The following DNAAF11 variants were observed in gnomAD, a reference collection of about 807,000 sequenced individuals.
The protein encoded by DNAAF11 is dynein axonemal assembly factor 11.
Under a neutral mutation model 60.8 loss-of-function variants are expected in DNAAF11, and 45 were observed. The observed-to-expected ratio is 0.74, with a 90% CI of 0.58 to 0.95. DNAAF11 has a LOEUF of 0.95. Ranked by LOEUF, DNAAF11 falls within the 40% of genes least tolerant of loss-of-function variation. DNAAF11 has a pLI of 0.00. For missense variants in DNAAF11, 546 were observed against 546.2 expected (o/e 1.00, Z 0.00); for synonymous variants, 191 against 183.5 (o/e 1.04, Z -0.33).
upstream of DNAAF11, among the ~76,000 whole-genome samples, chr8:132,679,722 A>G (rs751643944): frequency 6.6e-6 from 1 of 152,142 alleles, no homozygotes; most frequent in African/African-American, 2.4e-5. Context: ...AATGGATCTC[A>G]CAAGACCAGA....
intron 4 of DNAAF11, among the ~76,000 whole-genome samples, chr8:132,633,666 T>C (rs951432879): frequency 6.6e-6 from 1 of 152,156 alleles, no homozygotes; most frequent in Non-Finnish European, 1.5e-5. Flanking sequence ...AAAGGGGCTT[T>C]ACAGGTGTGA....
chr8:132,601,435 A>G (rs1359882642), intron 10 of DNAAF11, among the ~76,000 whole-genome samples: 1 of 152,212 alleles, frequency 6.6e-6, no homozygotes, highest in Non-Finnish European at 1.5e-5. Flanking sequence ...ATATACCCAA[A>G]GGATTATAAA....
At chr8:132,615,181 T>C in intron 7 of DNAAF11, 84 bp from the exon 8 acceptor site, 2 of 739,374 alleles carry the variant, frequency 2.7e-6, no homozygotes, top group Admixed American at 2.3e-5. Context: ...ATAAGCAGAT[T>C]AGATAATAAT....
chr8:132,577,695 G>A (rs1323949558), intron 11 of DNAAF11, among the ~76,000 whole-genome samples: 2 of 152,168 alleles, frequency 1.3e-5, no homozygotes, highest in Admixed American at 6.5e-5. Context: ...GCCTTGCTCC[G>A]TTGCCCAGGC....
rs147715811 is a variant in DNAAF11 at position 132,665,168 on chromosome 8, T to C, written c.11-3541A>G. On this transcript the variant is annotated intron_variant, in intron 1 of 11. Transcript: ENST00000620350. ...AACTGCCGTGTGGCTTACCATTTTA[T>C]AGCGCTGAGGAAATTGTTGTTACAC... Among the ~76,000 whole-genome samples, 286 of 152,320 alleles carry C rather than the reference T, an allele frequency of 1.9e-3. 2 individuals are homozygous for C. Among genetic ancestry groups the C allele is most frequent in the African/African-American group, 6.5e-3 (271 of 41,570 alleles).
chr8:132,640,891 G>A (rs578167362), intron 3 of DNAAF11, among the ~76,000 whole-genome samples: 1 of 152,230 alleles, frequency 6.6e-6, no homozygotes, highest in Admixed American at 6.5e-5. Context: ...CTCAAAGAAA[G>A]ATAAGAACAT....
chr8:132,596,538 C>G (rs897185724), intron 10 of DNAAF11, among the ~76,000 whole-genome samples: 4 of 152,158 alleles, frequency 2.6e-5, no homozygotes, highest in African/African-American at 9.7e-5. Flanking sequence ...TTGCTAGAGA[C>G]AGTCTCTAAA....
intron 5 of DNAAF11, among the ~76,000 whole-genome samples, chr8:132,627,220 T>A (rs1820365436): frequency 6.6e-6 from 1 of 152,218 alleles, no homozygotes; most frequent in Non-Finnish European, 1.5e-5. Flanking sequence ...ACCATTTAAA[T>A]TATATTTTTC....
At chr8:132,595,120 G>C (rs1554674300) in intron 10 of DNAAF11, among the ~76,000 whole-genome samples, 1 of 151,976 alleles carries the variant, frequency 6.6e-6, no homozygotes, top group Non-Finnish European at 1.5e-5. Flanking sequence ...CCAGTCTTGG[G>C]TATTTATTTA....
chr8:132,590,311 T>C (rs551218247), intron 10 of DNAAF11, among the ~76,000 whole-genome samples: 4 of 152,340 alleles, frequency 2.6e-5, no homozygotes, highest in African/African-American at 7.2e-5. Context: ...CTCCAGGCCC[T>C]GCCCAAGAGG....
rs770474436 is a variant in DNAAF11, at chr8:132,577,216, C to T, written c.1227-4736G>A. On this transcript the variant is annotated intron_variant, in intron 11 of 11. Transcript: ENST00000620350. ...TGGGGGGTGCCAGTATAAGGATTTG[C>T]TATTTGAAACTCTAGAGTTCATCTG... Among the ~76,000 whole-genome samples, 43 of 152,080 alleles carry T rather than the reference C, an allele frequency of 2.8e-4. 1 individual carries two copies. The highest frequency in any genetic ancestry group is 1.5e-4 in the Non-Finnish European group (10 of 68,010).
chr8:132,697,964 G>T, the DNAAF11 span, among the ~76,000 whole-genome samples: 1 of 152,158 alleles, frequency 6.6e-6, no homozygotes. Context: ...TTAATAAAAT[G>T]TATGTATTTA....
chr8:132,622,554 AC>A, intron 7 of DNAAF11, 56 bp downstream of exon 7: 1 of 1,274,156 alleles, frequency 7.8e-7, no homozygotes, highest in Non-Finnish European at 1.1e-6. Context: ...ACAATGATTG[AC>A]CAACACCATT....
At chr8:132,660,932 GA>G (rs1471049505) in intron 2 of DNAAF11, among the ~76,000 whole-genome samples, 1 of 152,110 alleles carries the variant, frequency 6.6e-6, no homozygotes, top group Non-Finnish European at 1.5e-5. Flanking sequence ...TTATAATACT[GA>G]TATTTTTATC....
intron 3 of DNAAF11, among the ~76,000 whole-genome samples, chr8:132,647,624 A>G (rs1252744131): frequency 6.6e-6 from 1 of 152,218 alleles, no homozygotes; most frequent in Admixed American, 6.5e-5. Flanking sequence ...AGCAACACTA[A>G]TACAGAAGAA....
upstream of DNAAF11, chr8:132,675,659 C>T: frequency 3.3e-6 from 2 of 606,904 alleles, no homozygotes; most frequent in Non-Finnish European, 5.5e-6. Flanking sequence ...GTTTCCTGAG[C>T]TCCGCGGAGC....
intron 3 of DNAAF11, chr8:132,643,254 T>C (rs2130619333): frequency 5.7e-6 from 1 of 174,204 alleles, no homozygotes. Flanking sequence ...CATTTATTAT[T>C]AAAATATCAT....
At chr8:132,657,114 C>G (rs1823656264) in intron 2 of DNAAF11, among the ~76,000 whole-genome samples, 1 of 152,176 alleles carries the variant, frequency 6.6e-6, no homozygotes, top group African/African-American at 2.4e-5. Context: ...CCTAATGACA[C>G]CCAGTTTTGC....
chr8:132,697,442 A>T, the DNAAF11 span, among the ~76,000 whole-genome samples: 1 of 152,018 alleles, frequency 6.6e-6, no homozygotes, highest in Non-Finnish European at 1.5e-5. Context: ...AGATGGCAAA[A>T]CCCCATCTCT....
Sources: gnomAD v4.1 joint callset for allele counts (sites outside exome capture counted in the v4.1 genomes callset) on GRCh38, gnomAD v4.1.1 for gene constraint, MANE v1.5 for transcripts, NCBI Gene and HGNC (gene_info 2026-07-23, HGNC 2026-07-21) for gene names.